Variants in SDK1 observed in about 807,000 individuals in gnomAD.
SDK1 encodes protein sidekick-1.
SDK1 carries 157 observed loss-of-function variants against 245.5 expected under a neutral mutation model. That is an observed-to-expected ratio of 0.64 (90% CI 0.56 to 0.73). The LOEUF (loss-of-function observed/expected upper bound fraction) is 0.73. Ranked by LOEUF, SDK1 falls within the 30% of genes least tolerant of loss-of-function variation. SDK1 has a pLI of 0.00. For synonymous variants in SDK1, 1,647 were observed against 1,278.5 expected (o/e 1.29, Z -6.15); for missense variants, 3,583 against 3,002.3 (o/e 1.19, Z -4.52).
At position 3,479,562 on chromosome 7, in the gene SDK1, T is replaced by C. The variant is rs7804193; in HGVS notation, c.299-139518T>C. Among the ~76,000 whole-genome samples the C allele has an allele frequency of 8.6e-3, 1,305 of 152,068 alleles. 25 individuals carry two copies. The highest frequency in any genetic ancestry group is 0.03 in the African/African-American group (1,225 of 41,466). The stretch of plus-strand genomic sequence containing the variant: ...GCTCTGATTAGCAATTAGTGAGATA[T>C]GTTAAAATTACTTCACTAAGGCCAG... On this transcript the variant is annotated intron_variant, in intron 1 of 44. Transcript: ENST00000404826.
intron 40 of SDK1, among the ~76,000 whole-genome samples, chr7:4,226,910 C>T (rs1476197068): frequency 6.6e-6 from 1 of 151,818 alleles, no homozygotes; most frequent in Non-Finnish European, 1.5e-5. Flanking sequence ...TTAGAATGTG[C>T]CCAATGCAGG....
At chr7:3,750,191 G>A (rs1185397367) in intron 4 of SDK1, among the ~76,000 whole-genome samples, 1 of 152,180 alleles carries the variant, frequency 6.6e-6, no homozygotes, top group Non-Finnish European at 1.5e-5. Context: ...AAAGAGGACT[G>A]GAGAGTTAGA....
intron 1 of SDK1, among the ~76,000 whole-genome samples, chr7:3,469,796 A>G (rs1781125282): frequency 6.6e-6 from 1 of 152,196 alleles, no homozygotes; most frequent in Admixed American, 6.5e-5. Flanking sequence ...AGAGAGATTA[A>G]GAATAAATCT....
chr7:4,169,641 G>A lies in SDK1; in HGVS notation c.4801-4581G>A, dbSNP rs554850915. Among the ~76,000 whole-genome samples the A allele has an allele frequency of 3.3e-5, 5 of 152,306 alleles. No homozygotes were observed. In the South Asian group the frequency reaches 1.0e-3, roughly 32 times the overall value. ...GGAGATCTCCTAGATGCAATGAGAC[G>A]GCAAGGCTGGAATATATTCCCCAAG... On this transcript the variant is annotated intron_variant, in intron 32 of 44. Transcript: ENST00000404826.
At chr7:3,485,424 A>T (rs531857479) in intron 1 of SDK1, among the ~76,000 whole-genome samples, 35 of 152,162 alleles carry the variant, frequency 2.3e-4, no homozygotes, top group Middle Eastern at 3.4e-3. Flanking sequence ...CCTAGTTCCA[A>T]TGCCAAGTCC....
At position 3,883,490 on chromosome 7, in the gene SDK1, C is replaced by A. The variant is rs116166486; in HGVS notation, c.847+61907C>A. On this transcript the variant is annotated intron_variant, in intron 5 of 44. Coordinates refer to ENST00000404826, the MANE Select transcript of SDK1 (RefSeq NM_152744.4). ...GTGCGGCCCTTCATTATTTGAGGCCCCTAAAAAATCACGTCGTTGCCAAAA... is the reference window on the plus strand; with the variant it reads ...GTGCGGCCCTTCATTATTTGAGGCCACTAAAAAATCACGTCGTTGCCAAAA... Among the ~76,000 whole-genome samples, 663 of 152,164 alleles carry A rather than the reference C, an allele frequency of 4.4e-3. 6 individuals carry two copies. The highest frequency in any genetic ancestry group is 0.015 in the African/African-American group (624 of 41,498).
At chr7:3,843,865 A>G in intron 5 of SDK1, among the ~76,000 whole-genome samples, 1 of 152,290 alleles carries the variant, frequency 6.6e-6, no homozygotes, top group African/African-American at 2.4e-5. Context: ...TATAAAATAG[A>G]TATATGAAGA....
chr7:3,546,765 G>T (rs1779238331), intron 1 of SDK1, among the ~76,000 whole-genome samples: 2 of 152,196 alleles, frequency 1.3e-5, no homozygotes, highest in African/African-American at 4.8e-5. Context: ...CTGGAATCTA[G>T]AAATCTCTCA....
At chr7:3,432,499 A>G (rs2128584920) in intron 1 of SDK1, among the ~76,000 whole-genome samples, 1 of 152,346 alleles carries the variant, frequency 6.6e-6, no homozygotes, top group East Asian at 1.9e-4. Flanking sequence ...TTAATGTAGT[A>G]GGAAGAAATA....
intron 14 of SDK1, among the ~76,000 whole-genome samples, chr7:3,990,441 A>C (rs1340021824): frequency 1.3e-5 from 2 of 152,238 alleles, no homozygotes. Context: ...GCTCTGACCG[A>C]ACGGGGAAGG....
At chr7:3,942,774 G>C (rs940433169) in intron 5 of SDK1, among the ~76,000 whole-genome samples, 1 of 152,160 alleles carries the variant, frequency 6.6e-6, no homozygotes, top group African/African-American at 2.4e-5. Context: ...CCTGGAGATT[G>C]TTTTTAATCT....
chr7:3,462,016 A>G (rs1274689490), intron 1 of SDK1, among the ~76,000 whole-genome samples: 1 of 152,044 alleles, frequency 6.6e-6, no homozygotes, highest in Non-Finnish European at 1.5e-5. Flanking sequence ...CCCTAATCTA[A>G]CTACTGCACC....
chr7:3,980,106 ACCAAGTCATCATTTGT>A (rs1168469466), intron 13 of SDK1, among the ~76,000 whole-genome samples: 1 of 152,212 alleles, frequency 6.6e-6, no homozygotes, highest in Non-Finnish European at 1.5e-5. Flanking sequence ...GATGGGTTTG[ACCAAGTCATCATTTGT>A]GCATTAAAGG....
intron 4 of SDK1, among the ~76,000 whole-genome samples, chr7:3,764,951 C>G (rs1780211192): frequency 6.6e-6 from 1 of 151,948 alleles, no homozygotes. Context: ...GTTATATAGT[C>G]TAATATGTAA....
At position 3,699,416 on chromosome 7, in the gene SDK1, G is replaced by A. The variant is rs118093279; in HGVS notation, c.713+57311G>A. Among the ~76,000 whole-genome samples the A allele has an allele frequency of 8.7e-3, 1,320 of 152,184 alleles. 7 individuals carry two copies. The highest frequency in any genetic ancestry group is 0.013 in the Non-Finnish European group (862 of 68,006). Reference sequence around the variant, plus strand: ...AAGAGGCCATTTCATCAAAGCAATCGAAAGTCTCAGCAAAGAAATAGAAGA... The same window carrying A: ...AAGAGGCCATTTCATCAAAGCAATCAAAAGTCTCAGCAAAGAAATAGAAGA... On this transcript the variant is annotated intron_variant, in intron 4 of 44. Transcript: ENST00000404826.
intron 5 of SDK1, among the ~76,000 whole-genome samples, chr7:3,889,466 G>A (rs1781407104): frequency 6.6e-6 from 1 of 152,176 alleles, no homozygotes; most frequent in Non-Finnish European, 1.5e-5. Flanking sequence ...GGTGTCCAGA[G>A]GTGGCATGCC....
chr7:4,250,382 C>T (rs1308884644), intron 44 of SDK1, among the ~76,000 whole-genome samples: 2 of 151,588 alleles, frequency 1.3e-5, no homozygotes, highest in South Asian at 2.1e-4. Context: ...TTTGCTCTGT[C>T]GCTCAGGCTG....
intron 5 of SDK1, among the ~76,000 whole-genome samples, chr7:3,822,421 A>G (rs1779668333): frequency 6.6e-6 from 1 of 152,136 alleles, no homozygotes; most frequent in Admixed American, 6.5e-5. Flanking sequence ...ATAGTAGTGG[A>G]TTTTATCTTT....
In SDK1 at chr7:3,655,448, AATATATATAT is replaced by A. The variant is rs1194322286; in HGVS notation, c.713+13390_713+13399del. The stretch of plus-strand genomic sequence containing the variant: ...AACTGTCTAAAAACAAAACAAAACA[AATATATATAT>A]ATATATATATATATATATATATATA... On this transcript the variant is annotated intron_variant, in intron 4 of 44. Coordinates refer to ENST00000404826, the MANE Select transcript of SDK1 (RefSeq NM_152744.4). 3.4e-3 allele frequency among the ~76,000 whole-genome samples: 228 copies of A among 66,302 alleles called. 2 individuals are homozygous for A. The highest frequency in any genetic ancestry group is 9.3e-3 in the Middle Eastern group (1 of 108). 43.5% of individuals were successfully genotyped at this position (66,302 alleles called of 152,430 possible).
Sources: gnomAD v4.1 joint callset for allele counts (sites outside exome capture counted in the v4.1 genomes callset) on GRCh38, gnomAD v4.1.1 for gene constraint, MANE v1.5 for transcripts, NCBI Gene and HGNC (gene_info 2026-07-23, HGNC 2026-07-21) for gene names.